ZNF146: variants seen among roughly 807,000 people sequenced by gnomAD.
ZNF146 encodes zinc finger protein 146.
ZNF146 carries 9 observed loss-of-function variants against 22.2 expected under a neutral mutation model. The ratio of observed to expected loss-of-function variants is 0.41; its 90% CI spans 0.24 to 0.71. ZNF146 has a LOEUF of 0.71. ZNF146 is among the 30% of genes least tolerant of loss of function. ZNF146 has a pLI of 0.34. For synonymous variants in ZNF146, 108 were observed against 119.2 expected (o/e 0.91, Z 0.61); for missense variants, 194 against 344.8 (o/e 0.56, Z 3.46).
At chr19:36,220,481 C>T (rs1416943143) in intron 2 of ZNF146, among the ~76,000 whole-genome samples, 1 of 152,076 alleles carries the variant, frequency 6.6e-6, no homozygotes, top group Non-Finnish European at 1.5e-5. Context: ...TCTCCTGCTT[C>T]AGCCTCCCGA....
rs1199011588 is a variant in ZNF146 at position 36,237,326 on chromosome 19, C to T, written c.*7C>T. On this transcript the variant is annotated 3_prime_UTR_variant, in exon 4 of 4. Transcript: ENST00000443387. The stretch of plus-strand genomic sequence containing the variant: ...GAAAATTCATACTCACTAAAAACCC[C>T]ATGAAAGCCTTGAAAGTGGGAAAGC... The T allele has an allele frequency of 4.4e-6, 7 of 1,578,142 alleles. No individual in the cohort carries two copies. Among genetic ancestry groups the T allele is most frequent in the African/African-American group, 2.7e-5 (2 of 73,208 alleles).
At chr19:36,217,062 T>C (rs1294598005) in intron 1 of ZNF146, among the ~76,000 whole-genome samples, 31 of 131,338 alleles carry the variant, frequency 2.4e-4, no homozygotes, top group African/African-American at 7.4e-4. Context: ...TGTCTTTTTT[T>C]TTTTTTTTTT....
At chr19:36,232,939 A>G (rs753430004) in intron 3 of ZNF146, among the ~76,000 whole-genome samples, 2 of 152,230 alleles carry the variant, frequency 1.3e-5, no homozygotes, top group Non-Finnish European at 2.9e-5. Context: ...CTGAAGGAAT[A>G]GTTAAAGAAT....
intron 2 of ZNF146, among the ~76,000 whole-genome samples, chr19:36,218,619 C>T (rs889029589): frequency 7.9e-5 from 12 of 151,668 alleles, no homozygotes; most frequent in Admixed American, 6.6e-4. Flanking sequence ...GTGCCAGCCA[C>T]CACGCCTGGC....
intron 3 of ZNF146, among the ~76,000 whole-genome samples, chr19:36,233,509 A>C (rs144335276): frequency 1.3e-5 from 2 of 152,204 alleles, no homozygotes; most frequent in South Asian, 2.1e-4. Context: ...AGGACCTCTC[A>C]AGAGGACCGG....
intron 2 of ZNF146, among the ~76,000 whole-genome samples, chr19:36,223,688 A>T (rs62113113): frequency 1.2e-4 from 1 of 8,542 alleles, no homozygotes; most frequent in African/African-American, 4.2e-4. Context: ...TATGGTTATC[A>T]GACTTTTCCA....
intron 2 of ZNF146, among the ~76,000 whole-genome samples, chr19:36,228,018 GGT>G (rs769856724): frequency 1.4e-4 from 22 of 152,194 alleles, no homozygotes; most frequent in Non-Finnish European, 2.8e-4. Flanking sequence ...AAATTAGCCA[GGT>G]GTGGTGGTAC....
chr19:36,230,731 G>A (rs1306919127), intron 3 of ZNF146, among the ~76,000 whole-genome samples: 1 of 152,184 alleles, frequency 6.6e-6, no homozygotes, highest in East Asian at 1.9e-4. Context: ...TAGGTAACAG[G>A]TCAAATCACA....
intron 3 of ZNF146, among the ~76,000 whole-genome samples, chr19:36,235,207 CAA>C (rs112972407): frequency 4.9e-5 from 6 of 121,546 alleles, no homozygotes; most frequent in African/African-American, 3.3e-5. Context: ...AATTCCGTCT[CAA>C]AAAAAAAAAA....
chr19:36,221,656 A>G (rs982650629), intron 2 of ZNF146, among the ~76,000 whole-genome samples: 5 of 152,190 alleles, frequency 3.3e-5, no homozygotes, highest in African/African-American at 4.8e-5. Context: ...GTGATTCAAC[A>G]AAGATCTATC....
rs575715804 is a variant in ZNF146 at position 36,233,187 on chromosome 19, A to G, written c.-782-2472A>G. ...CACCAGATGTCAGGAGTTCCAGACC[A>G]GCCTGGCCAACATAGTGAAATCCTG... On this transcript the variant is annotated intron_variant, in intron 3 of 3. Coordinates refer to ENST00000443387, the MANE Select transcript of ZNF146 (RefSeq NM_007145.3). 3.9e-5 allele frequency among the ~76,000 whole-genome samples: 6 copies of G among 152,332 alleles called. No homozygotes were observed. In the South Asian group the frequency reaches 1.2e-3, roughly 32 times the overall value.
At chr19:36,216,238 T>C (rs1976599761) in intron 1 of ZNF146, among the ~76,000 whole-genome samples, 1 of 152,152 alleles carries the variant, frequency 6.6e-6, no homozygotes, top group African/African-American at 2.4e-5. Context: ...GGTTCAGAAC[T>C]ATTAGGAAAG....
At chr19:36,230,493 T>C (rs1487321778) in intron 3 of ZNF146, among the ~76,000 whole-genome samples, 1 of 152,206 alleles carries the variant, frequency 6.6e-6, no homozygotes, top group Non-Finnish European at 1.5e-5. Flanking sequence ...GTTGGGGTTG[T>C]AATTTTAAAT....
chr19:36,220,386 A>T (rs1435364317), intron 2 of ZNF146, among the ~76,000 whole-genome samples: 5 of 145,346 alleles, frequency 3.4e-5, no homozygotes, highest in Non-Finnish European at 7.6e-5. Flanking sequence ...TATTTTTGAG[A>T]CGGAGTCTTG....
chr19:36,228,123 G>T (rs1414507725), intron 2 of ZNF146, among the ~76,000 whole-genome samples: 1 of 142,616 alleles, frequency 7.0e-6, no homozygotes, highest in African/African-American at 2.6e-5. Context: ...TTGCACAATT[G>T]CACTCTAGCC....
chr19:36,223,305 T>C (rs931537376), intron 2 of ZNF146, among the ~76,000 whole-genome samples: 1 of 150,472 alleles, frequency 6.6e-6, no homozygotes, highest in Admixed American at 6.6e-5. Flanking sequence ...ATCACACCAC[T>C]GCACTTTAGC....
chr19:36,232,639 C>A (rs1427135763), intron 3 of ZNF146, among the ~76,000 whole-genome samples: 1 of 145,520 alleles, frequency 6.9e-6, no homozygotes, highest in South Asian at 2.1e-4. Flanking sequence ...GACATAGTCT[C>A]CCTCTGTCAC....
rs1391081599 is a variant in ZNF146 at position 36,238,343 on chromosome 19, G to A, written c.*1024G>A. ...ACATGTTTTTGAAACGGATTGGAAGGATACAGACCAAACTCTTGATAGTGG... is the reference window on the plus strand; with the variant it reads ...ACATGTTTTTGAAACGGATTGGAAGAATACAGACCAAACTCTTGATAGTGG... On this transcript the variant is annotated 3_prime_UTR_variant, in exon 4 of 4. Coordinates refer to ENST00000443387, the MANE Select transcript of ZNF146 (RefSeq NM_007145.3). 1 of 167,054 alleles carries A rather than the reference G, an allele frequency of 6.0e-6. No individual in the cohort carries two copies. The highest frequency in any genetic ancestry group is 1.5e-5 in the Non-Finnish European group (1 of 68,126). 10.3% of individuals were successfully genotyped at this position (167,054 alleles called of 1,614,324 possible).
chr19:36,221,333 GGCT>G (rs1976828032), intron 2 of ZNF146, among the ~76,000 whole-genome samples: 2 of 126,140 alleles, frequency 1.6e-5, no homozygotes, highest in African/African-American at 3.2e-5. Flanking sequence ...CTGTCCCCTA[GGCT>G]GGAGTGCAGT....
Sources: allele counts gnomAD v4.1 joint callset (sites outside exome capture counted in the v4.1 genomes callset), GRCh38; gene constraint gnomAD v4.1.1; transcripts MANE v1.5; gene names NCBI Gene and HGNC (gene_info 2026-07-23, HGNC 2026-07-21).